Variants in ZNF385B observed in about 807,000 individuals in gnomAD.
The protein encoded by ZNF385B is zinc finger protein 533.
ZNF385B carries 23 observed loss-of-function variants against 39.2 expected under a neutral mutation model. That is an observed-to-expected ratio of 0.59 (90% CI 0.42 to 0.83). The LOEUF (loss-of-function observed/expected upper bound fraction) is 0.83, where lower values mean the gene tolerates loss of function less well. ZNF385B is among the 40% of genes least tolerant of loss of function. The probability of loss-of-function intolerance (pLI) is 0.00; values close to 1 mark genes in which losing one functional copy is unlikely to be tolerated. For missense variants in ZNF385B, 552 were observed against 598.9 expected (o/e 0.92, Z 0.82); for synonymous variants, 205 against 222.6 (o/e 0.92, Z 0.70).
intron 3 of ZNF385B, among the ~76,000 whole-genome samples, chr2:179,709,581 T>A (rs1356957952): frequency 6.6e-6 from 1 of 152,140 alleles, no homozygotes; most frequent in Non-Finnish European, 1.5e-5. Context: ...TTGAGGAAGT[T>A]CCCACAGAAG....
chr2:179,594,802 T>C (rs1687862400), intron 3 of ZNF385B, among the ~76,000 whole-genome samples: 1 of 151,642 alleles, frequency 6.6e-6, no homozygotes, highest in South Asian at 2.1e-4. Flanking sequence ...AAACTCTTTT[T>C]TTTTTTTTCT....
At chr2:179,469,766 C>T (rs12053402) in intron 6 of ZNF385B, among the ~76,000 whole-genome samples, 2 of 152,116 alleles carry the variant, frequency 1.3e-5, no homozygotes, top group African/African-American at 4.8e-5. Flanking sequence ...AGAGTCCTTT[C>T]TAAAATGTTA....
At chr2:179,775,856 G>A (rs944735869) in intron 1 of ZNF385B, among the ~76,000 whole-genome samples, 1 of 152,200 alleles carries the variant, frequency 6.6e-6, no homozygotes, top group African/African-American at 2.4e-5. Flanking sequence ...TCTTCACTGT[G>A]ACACAGCTGC....
chr2:179,608,842 CTGTGTGTGTGTGTGTGTGTG>C (rs60633100), intron 3 of ZNF385B, among the ~76,000 whole-genome samples: 479 of 134,692 alleles, frequency 3.6e-3, no homozygotes, highest in African/African-American at 0.012. Context: ...AGGGCCAAGA[CTGTGTGTGTGTGTGTGTGTG>C]TGTGTGTGTG....
At chr2:179,771,889 G>A (rs1391910143) in intron 1 of ZNF385B, among the ~76,000 whole-genome samples, 2 of 152,154 alleles carry the variant, frequency 1.3e-5, no homozygotes, top group African/African-American at 4.8e-5. Flanking sequence ...TAACCTTGCA[G>A]AACGAGGCCA....
At chr2:179,680,739 A>T (rs905167439) in intron 3 of ZNF385B, among the ~76,000 whole-genome samples, 2 of 152,128 alleles carry the variant, frequency 1.3e-5, no homozygotes, top group African/African-American at 4.8e-5. Context: ...AAATATTAAA[A>T]TCTAAGATCT....
At chr2:179,643,751 A>G (rs1265818871) in intron 3 of ZNF385B, among the ~76,000 whole-genome samples, 1 of 152,120 alleles carries the variant, frequency 6.6e-6, no homozygotes, top group Non-Finnish European at 1.5e-5. Context: ...ATAGGACAAA[A>G]TAAGTTTTTA....
intron 1 of ZNF385B, among the ~76,000 whole-genome samples, chr2:179,831,570 C>T (rs1487779703): frequency 5.3e-5 from 8 of 151,480 alleles, no homozygotes; most frequent in South Asian, 4.2e-4. Flanking sequence ...TTTAGAAATA[C>T]ATACACTTGG....
At chr2:179,788,499 G>A (rs1486238) in intron 1 of ZNF385B, among the ~76,000 whole-genome samples, 519 of 152,256 alleles carry the variant, frequency 3.4e-3, no homozygotes, top group South Asian at 7.5e-3. Flanking sequence ...ACCAGGTCAA[G>A]ACTAAAAGTG....
chr2:179,773,123 T>C (rs1227334964), intron 1 of ZNF385B, among the ~76,000 whole-genome samples: 2 of 152,162 alleles, frequency 1.3e-5, no homozygotes. Context: ...GTTACAACTT[T>C]CCCTAGGATT....
At chr2:179,665,818 T>G (rs1012637778) in intron 3 of ZNF385B, among the ~76,000 whole-genome samples, 2 of 151,960 alleles carry the variant, frequency 1.3e-5, no homozygotes, top group African/African-American at 4.8e-5. Flanking sequence ...TATCTTTTTT[T>G]TTTTTCTTTT....
intron 3 of ZNF385B, among the ~76,000 whole-genome samples, chr2:179,660,886 T>C (rs1291934244): frequency 6.6e-6 from 1 of 152,174 alleles, no homozygotes; most frequent in East Asian, 1.9e-4. Context: ...GAAAATAAAA[T>C]GACATGCACA....
chr2:179,595,626 T>C (rs1687931501), intron 3 of ZNF385B, among the ~76,000 whole-genome samples: 1 of 148,814 alleles, frequency 6.7e-6, no homozygotes, highest in Non-Finnish European at 1.5e-5. Context: ...CAGATATTCT[T>C]TTTTTTTTTT....
At chr2:179,697,292 G>A (rs185341026) in intron 3 of ZNF385B, among the ~76,000 whole-genome samples, 9 of 152,276 alleles carry the variant, frequency 5.9e-5, no homozygotes, top group Non-Finnish European at 2.9e-5. Flanking sequence ...GGAACCTGAT[G>A]GAAAGTGATT....
In ZNF385B at chr2:179,771,348, C is replaced by CA. The variant is rs566376755; in HGVS notation, c.-154-677dup. 3.7e-3 allele frequency among the ~76,000 whole-genome samples: 568 copies of CA among 152,168 alleles called. 5 individuals carry two copies. Among genetic ancestry groups the CA allele is most frequent in the African/African-American group, 0.013 (535 of 41,494 alleles). On this transcript the variant is annotated intron_variant, in intron 1 of 9. Coordinates refer to ENST00000410066, the MANE Select transcript of ZNF385B (RefSeq NM_152520.6). ...ATATTGATTCTAATGTATAGTATGC[C>CA]AAAAAATCTCCTTGTTTATACCCAT...
At chr2:179,483,584 T>C (rs1450629002) in intron 5 of ZNF385B, 150 bp from the exon 6 acceptor site, 6 of 999,134 alleles carry the variant, frequency 6.0e-6, no homozygotes, top group Non-Finnish European at 8.8e-6. Flanking sequence ...CATGAAATGG[T>C]AGACCAGTTC....
At chr2:179,782,663 C>A (rs1435202105) in intron 1 of ZNF385B, among the ~76,000 whole-genome samples, 2 of 152,162 alleles carry the variant, frequency 1.3e-5, no homozygotes, top group African/African-American at 4.8e-5. Flanking sequence ...GTACAAAAAT[C>A]ACTAGCATTC....
rs199802077 is a variant in ZNF385B, at chr2:179,446,742, A to C, written c.744T>G (p.Ser248Arg). 10 of 1,613,192 alleles carry C rather than the reference A, an allele frequency of 6.2e-6. No individual in the cohort carries two copies. In the East Asian group the frequency reaches 1.8e-4, roughly 29 times the overall value. ...SEDKGKLKASSSSQPSSSESG... is the reference protein window; with the variant it reads ...SEDKGKLKASRSSQPSSSESG... ...TTTCAGAGCTTGATGGCTGACTGGA[A>C]CTGCTGGCTTTTAACTTCCCTTTAT... Residue 248 changes from serine (S) to arginine (R), a missense_variant, in exon 7 of 10, where the codon AGT becomes AGG. Coordinates refer to ENST00000410066, the MANE Select transcript of ZNF385B (RefSeq NM_152520.6).
At chr2:179,642,488 A>G (rs1692356378) in intron 3 of ZNF385B, among the ~76,000 whole-genome samples, 1 of 152,132 alleles carries the variant, frequency 6.6e-6, no homozygotes, top group Admixed American at 6.6e-5. Flanking sequence ...TATTTTCTAT[A>G]TTAATCTTAG....
Sources: allele counts gnomAD v4.1 joint callset (sites outside exome capture counted in the v4.1 genomes callset), GRCh38; gene constraint gnomAD v4.1.1; transcripts MANE v1.5; gene names NCBI Gene and HGNC (gene_info 2026-07-23, HGNC 2026-07-21).